Variants in IMMP2L observed in about 807,000 individuals in gnomAD.
IMMP2L encodes the protein mitochondrial inner membrane protease subunit 2.
Under a neutral mutation model 19.3 loss-of-function variants are expected in IMMP2L, and 18 were observed. The observed-to-expected ratio is 0.93, with a 90% confidence interval of 0.64 to 1.38. The LOEUF is 1.38. Among genes scored for constraint, IMMP2L ranks in the 40% most tolerant of loss-of-function variants. The probability of loss-of-function intolerance (pLI) is 0.00; values close to 1 mark genes in which losing one functional copy is unlikely to be tolerated. For synonymous variants in IMMP2L, 76 were observed against 73.0 expected (o/e 1.04, Z -0.21); for missense variants, 233 against 218.2 (o/e 1.07, Z -0.43).
At chr7:111,398,654 G>A (rs1326077902) in intron 3 of IMMP2L, among the ~76,000 whole-genome samples, 1 of 151,948 alleles carries the variant, frequency 6.6e-6, no homozygotes, top group African/African-American at 2.4e-5. Flanking sequence ...GAAATAAAGG[G>A]CATCCAAATC....
At chr7:110,863,917 T>G (rs1585067312) in intron 5 of IMMP2L, among the ~76,000 whole-genome samples, 1 of 152,036 alleles carries the variant, frequency 6.6e-6, no homozygotes. Flanking sequence ...GCAGACATAT[T>G]CTCTTCCCAC....
At chr7:110,920,906 A>T (rs940528486) in intron 4 of IMMP2L, among the ~76,000 whole-genome samples, 2 of 152,200 alleles carry the variant, frequency 1.3e-5, no homozygotes, top group African/African-American at 4.8e-5. Flanking sequence ...GTCAAAACTA[A>T]GAAATTAACA....
chr7:110,784,474 C>T (rs967457792), intron 5 of IMMP2L, among the ~76,000 whole-genome samples: 85 of 152,086 alleles, frequency 5.6e-4, no homozygotes, highest in African/African-American at 2.0e-3. Flanking sequence ...CATCCATGAA[C>T]TGGGCTACTG....
intron 3 of IMMP2L, among the ~76,000 whole-genome samples, chr7:111,157,614 G>C (rs2129605074): frequency 6.6e-6 from 1 of 152,124 alleles, no homozygotes; most frequent in South Asian, 2.1e-4. Context: ...TTGGTTAATG[G>C]ACACAAAAAT....
intron 3 of IMMP2L, among the ~76,000 whole-genome samples, chr7:111,310,006 G>A (rs147744847): frequency 0.023 from 3,480 of 152,022 alleles, 134 homozygotes; most frequent in African/African-American, 0.079. Flanking sequence ...AGGCCAAGGC[G>A]GGTGGATCAC....
chr7:111,254,332 T>A (rs896818767), intron 3 of IMMP2L, among the ~76,000 whole-genome samples: 1 of 152,110 alleles, frequency 6.6e-6, no homozygotes, highest in Non-Finnish European at 1.5e-5. Context: ...ATCCTAAAAG[T>A]CTTTGAATAT....
chr7:111,037,083 T>C lies in IMMP2L; in HGVS notation c.240-73518A>G, dbSNP rs188048960. Among the ~76,000 whole-genome samples the C allele has an allele frequency of 3.4e-3, 523 of 152,266 alleles. 2 individuals carry two copies. Among genetic ancestry groups the C allele is most frequent in the Non-Finnish European group, 5.9e-3 (398 of 67,990 alleles). ...TGTATAGGATCACTCAGGCTGAAAA[T>C]GAAATTTTTTACGAGGAAAAATTTA... On this transcript the variant is annotated intron_variant, in intron 3 of 5. Transcript: ENST00000405709.
chr7:111,275,161 C>A (rs2130432507), intron 3 of IMMP2L, among the ~76,000 whole-genome samples: 1 of 152,226 alleles, frequency 6.6e-6, no homozygotes, highest in African/African-American at 2.4e-5. Context: ...GATCTGCTCA[C>A]AGAGACAAGG....
intron 2 of IMMP2L, among the ~76,000 whole-genome samples, chr7:111,504,849 G>A (rs1397964655): frequency 2.0e-5 from 3 of 151,962 alleles, no homozygotes. Context: ...TTACATGTTA[G>A]ACCTAAAACC....
intron 3 of IMMP2L, among the ~76,000 whole-genome samples, chr7:111,056,928 T>A (rs1379320195): frequency 1.3e-5 from 2 of 152,094 alleles, no homozygotes; most frequent in Admixed American, 1.3e-4. Context: ...TAAATGCAGT[T>A]CAGCCCTGTG....
intron 1 of IMMP2L, among the ~76,000 whole-genome samples, chr7:111,535,501 G>A (rs1847806780): frequency 6.6e-6 from 1 of 152,022 alleles, no homozygotes; most frequent in East Asian, 1.9e-4. Context: ...TAAAGAAATG[G>A]TCTTTGCCCC....
At chr7:111,279,597 A>G (rs1819477412) in intron 3 of IMMP2L, among the ~76,000 whole-genome samples, 1 of 152,170 alleles carries the variant, frequency 6.6e-6, no homozygotes, top group East Asian at 1.9e-4. Flanking sequence ...CAGTTTTGTC[A>G]TCTATGAAAC....
intron 3 of IMMP2L, among the ~76,000 whole-genome samples, chr7:111,460,840 AG>A (rs1354277894): frequency 3.3e-5 from 5 of 152,140 alleles, no homozygotes. Flanking sequence ...CCCAGGCAAA[AG>A]GAAAAAATAC....
At chr7:110,937,547 AC>A (rs1191832768) in intron 4 of IMMP2L, among the ~76,000 whole-genome samples, 3 of 152,138 alleles carry the variant, frequency 2.0e-5, no homozygotes, top group African/African-American at 7.2e-5. Flanking sequence ...CAGTCATTCT[AC>A]CCCAGATGTC....
intron 3 of IMMP2L, among the ~76,000 whole-genome samples, chr7:111,160,564 T>C (rs530332110): frequency 1.3e-5 from 2 of 152,048 alleles, no homozygotes; most frequent in Middle Eastern, 3.4e-3. Flanking sequence ...TGTTGAGTAC[T>C]CTCTGTTAAA....
intron 3 of IMMP2L, among the ~76,000 whole-genome samples, chr7:111,281,383 C>T (rs965950880): frequency 6.6e-6 from 1 of 151,892 alleles, no homozygotes; most frequent in African/African-American, 2.4e-5. Flanking sequence ...TTTAGTAACC[C>T]CTTAAATACA....
intron 5 of IMMP2L, among the ~76,000 whole-genome samples, chr7:110,791,090 A>G (rs1381056869): frequency 1.3e-5 from 2 of 149,498 alleles, no homozygotes; most frequent in East Asian, 3.9e-4. Flanking sequence ...TACTGGGGGG[A>G]AAAAATCACA....
At chr7:111,219,704 T>G (rs899935512) in intron 3 of IMMP2L, among the ~76,000 whole-genome samples, 1 of 151,998 alleles carries the variant, frequency 6.6e-6, no homozygotes, top group Non-Finnish European at 1.5e-5. Context: ...ACTGTTTGGT[T>G]GAATCAAATT....
intron 5 of IMMP2L, among the ~76,000 whole-genome samples, chr7:110,747,795 C>T (rs1797454609): frequency 6.6e-6 from 1 of 152,140 alleles, no homozygotes; most frequent in Admixed American, 6.5e-5. Context: ...CAATATCATA[C>T]TGAATGGGCA....
Sources: allele counts gnomAD v4.1 joint callset (sites outside exome capture counted in the v4.1 genomes callset), GRCh38; gene constraint gnomAD v4.1.1; transcripts MANE v1.5; gene names NCBI Gene and HGNC (gene_info 2026-07-23, HGNC 2026-07-21).